Variants in FBF1 observed in about 807,000 individuals in gnomAD.
FBF1 encodes the protein Fas binding factor 1.
Under a neutral mutation model 147.2 loss-of-function variants are expected in FBF1, and 119 were observed. That is an observed-to-expected ratio of 0.81 (90% CI 0.70 to 0.94). The LOEUF (loss-of-function observed/expected upper bound fraction) is 0.94, where lower values mean the gene tolerates loss of function less well. Ranked by LOEUF, FBF1 falls within the 40% of genes least tolerant of loss-of-function variation. The pLI is 0.00. For synonymous variants in FBF1, 601 were observed against 609.0 expected, an observed-to-expected ratio of 0.99 and a Z score of 0.19; for missense variants, 1,449 against 1,500.8, an observed-to-expected ratio of 0.97 and a Z score of 0.57.
chr17:75,924,111 G>A (rs902119022), intron 13 of FBF1, among the ~76,000 whole-genome samples: 1 of 152,116 alleles, frequency 6.6e-6, no homozygotes, highest in Non-Finnish European at 1.5e-5. Context: ...CTACTTGGGA[G>A]GCTGAGGCAT....
chr17:75,938,084 T>G, intron 2 of FBF1, 63 bp downstream of exon 2: 2 of 1,605,098 alleles, frequency 1.2e-6, no homozygotes, highest in Non-Finnish European at 1.7e-6. Flanking sequence ...AGTCAAGATC[T>G]TTGGGGATGC....
At chr17:75,924,629 C>T (rs1192591639) in intron 13 of FBF1, among the ~76,000 whole-genome samples, 6 of 152,142 alleles carry the variant, frequency 3.9e-5, no homozygotes, top group Non-Finnish European at 8.8e-5. Flanking sequence ...AGGCGCCCAC[C>T]ACCACGCCCA....
intron 5 of FBF1, among the ~76,000 whole-genome samples, chr17:75,932,095 A>G (rs1041490697): frequency 6.6e-6 from 1 of 152,202 alleles, no homozygotes; most frequent in Non-Finnish European, 1.5e-5. Context: ...TAAAACCAGG[A>G]GCTGGCCAGG....
At position 75,914,019 on chromosome 17, in the gene FBF1, C is replaced by A; in HGVS notation, c.3023G>T (p.Arg1008Leu). ...CACCTGCTGGGCCTCGCGCAATGCCCGCTCCCCCTCCTCGTACTTCTCGGA... is the reference window on the plus strand; with the variant it reads ...CACCTGCTGGGCCTCGCGCAATGCCAGCTCCCCCTCCTCGTACTTCTCGGA... ...VASEKYEEGE[R>L]ALREAQQVQA... The change falls in exon 27 of 30, where the codon CGG becomes CTG. Residue 1008 changes from arginine to leucine, a missense_variant. Coordinates refer to ENST00000636174, the MANE Select transcript of FBF1 (RefSeq NM_001319193.2). 6.3e-7 allele frequency: 1 copy of A among 1,584,800 alleles called. No homozygotes were observed. The highest frequency in any genetic ancestry group is 1.3e-5 in the African/African-American group (1 of 74,696).
chr17:75,935,572 T>C (rs1020294447), intron 4 of FBF1, 60 bp downstream of exon 4: 1 of 1,492,960 alleles, frequency 6.7e-7, no homozygotes, highest in Non-Finnish European at 9.0e-7. Context: ...GGCAACATAG[T>C]AAGAAAAAAA....
At chr17:75,936,867 T>C (rs1019365238) in intron 3 of FBF1, among the ~76,000 whole-genome samples, 7 of 152,112 alleles carry the variant, frequency 4.6e-5, no homozygotes, top group African/African-American at 1.7e-4. Context: ...TTCAGACAAG[T>C]AGGCTCCTTG....
At chr17:75,915,653 T>TA (rs1175744803) in intron 23 of FBF1, among the ~76,000 whole-genome samples, 1 of 152,202 alleles carries the variant, frequency 6.6e-6, no homozygotes, top group Non-Finnish European at 1.5e-5. Flanking sequence ...GGCTACAGGA[T>TA]AGATATCAGG....
rs537422190 is a variant in FBF1, at chr17:75,931,258, T to C, written c.199A>G (p.Met67Val). 9 of 1,583,058 alleles carry C rather than the reference T, an allele frequency of 5.7e-6. No individual in the cohort carries two copies. The highest frequency in any genetic ancestry group is 1.2e-5 in the South Asian group (1 of 86,224). The stretch of plus-strand genomic sequence containing the variant: ...GCATCAGCTTCTTCCAGGCCTGCCA[T>C]GGTGCTGAAGACATCATCACCCAGG... ...SLLGDDVFST[M>V]AGLEEADAEV... The change falls in exon 6 of 30, where the codon ATG becomes GTG. Residue 67 changes from methionine (M) to valine (V), a missense_variant. Transcript: ENST00000636174.
rs374423582 is a variant in FBF1, at chr17:75,926,864, T to A, written c.489A>T (p.Pro163=). ...CATCATAGGAGAGAAGTCCTCTCAA[T>A]GGGTCTTCCAAGTCTCACAGCAGAA... ...RRFSSEDLED[P]LRGLLSYDEG... Residue 163 remains proline, a synonymous_variant, in exon 10 of 30, where the codon CCA becomes CCT. Coordinates refer to ENST00000636174, the MANE Select transcript of FBF1 (RefSeq NM_001319193.2). 30 of 1,612,116 alleles carry A rather than the reference T, an allele frequency of 1.9e-5. No homozygotes were observed. The highest frequency in any genetic ancestry group is 2.0e-5 in the Non-Finnish European group (23 of 1,179,192).
intron 29 of FBF1, 21 bp downstream of exon 29, chr17:75,912,171 C>G (rs1224266077): frequency 6.9e-6 from 11 of 1,587,188 alleles, no homozygotes; most frequent in Non-Finnish European, 9.4e-6. Context: ...ACAAGGATCC[C>G]CAAGGCCAGG....
intron 1 of FBF1, among the ~76,000 whole-genome samples, chr17:75,940,247 CT>C (rs1293230064): frequency 1.5e-3 from 211 of 138,520 alleles, no homozygotes; most frequent in Non-Finnish European, 1.7e-3. Flanking sequence ...GGCCTTCTTT[CT>C]TTTTTTTTTT....
In FBF1 at chr17:75,940,910, G is replaced by A. The variant is rs183342409; in HGVS notation, c.-146C>T. The A allele has an allele frequency of 5.7e-3, 881 of 153,460 alleles. 11 individuals carry two copies. Among genetic ancestry groups the A allele is most frequent in the Non-Finnish European group, 7.6e-3 (517 of 68,138 alleles). The allele number at this position is 153,460 out of a possible 1,614,324, so 9.5% of individuals were successfully genotyped here. ...GCCTGTAACGCTCTCAGCCCCGGAA[G>A]CCTCCTGTTACGCGCCGTGCCCCCG... is the stretch of plus-strand genomic sequence containing the variant. On this transcript the variant is annotated 5_prime_UTR_variant, in exon 1 of 30. Transcript: ENST00000636174.
At chr17:75,939,490 G>A (rs554945997) in intron 1 of FBF1, among the ~76,000 whole-genome samples, 10 of 152,140 alleles carry the variant, frequency 6.6e-5, no homozygotes, top group Non-Finnish European at 1.0e-4. Context: ...CAACACCCAT[G>A]ACTACTTTCT....
chr17:75,923,343 G>A lies in FBF1; in HGVS notation c.1267C>T (p.Gln423Ter), dbSNP rs567120647. 6 of 1,603,358 alleles carry A rather than the reference G, an allele frequency of 3.7e-6. No individual in the cohort carries two copies. The highest frequency in any genetic ancestry group is 1.3e-5 in the African/African-American group (1 of 74,790). ...TTGGAGGCTCGCAGCTTGGAAGCCT[G>A]GCTGGCTTTGGCAGGGGACCCTGCA... ...EGAGSPAKAS[Q>*]ASKLRASKEE... Residue 423 changes from glutamine (Q) to a stop codon, truncating the protein, a stop_gained, in exon 14 of 30, where the codon CAG becomes TAG. Coordinates refer to ENST00000636174, the MANE Select transcript of FBF1 (RefSeq NM_001319193.2). LOFTEE classifies it high-confidence loss of function. The surrounding 1 kb of genome is among the most constrained non-coding windows in gnomAD (Gnocchi z 4.1).
intron 17 of FBF1, 116 bp downstream of exon 17, chr17:75,921,128 G>T: frequency 9.4e-7 from 1 of 1,067,674 alleles, no homozygotes; most frequent in Non-Finnish European, 1.4e-6. Flanking sequence ...CGTCACATTT[G>T]GTATGTTTGA....
intron 23 of FBF1, among the ~76,000 whole-genome samples, chr17:75,915,607 T>C (rs893168642): frequency 1.3e-5 from 2 of 152,212 alleles, no homozygotes; most frequent in African/African-American, 4.8e-5. Flanking sequence ...ATCAAAATGC[T>C]TCACAACATA....
At chr17:75,934,061 T>C (rs370694370) in intron 4 of FBF1, among the ~76,000 whole-genome samples, 5 of 152,290 alleles carry the variant, frequency 3.3e-5, no homozygotes, top group African/African-American at 9.6e-5. Flanking sequence ...TGAAAACACA[T>C]GTCCGCCCAA....
At chr17:75,927,647 G>A (rs954652431) in intron 8 of FBF1, 115 bp from the exon 9 acceptor site, 48 of 876,580 alleles carry the variant, frequency 5.5e-5, no homozygotes, top group Non-Finnish European at 7.6e-5. Context: ...GGGAAGCTGG[G>A]GGCTCATGGC....
intron 13 of FBF1, among the ~76,000 whole-genome samples, chr17:75,924,169 A>G (rs1598157134): frequency 6.6e-6 from 1 of 152,038 alleles, no homozygotes; most frequent in African/African-American, 2.4e-5. Flanking sequence ...AGCCGAGATC[A>G]TGCCACTGCA....
Sources: gnomAD v4.1 joint callset for allele counts (sites outside exome capture counted in the v4.1 genomes callset) on GRCh38, gnomAD v4.1.1 for gene constraint, Gnocchi (gnomAD v3.1) non-coding constraint, MANE v1.5 for transcripts, NCBI Gene and HGNC (gene_info 2026-07-23, HGNC 2026-07-21) for gene names.